FOXK2: variants seen among roughly 807,000 people sequenced by gnomAD.
FOXK2 encodes forkhead box K2, also known as forkhead box protein K2.
Under a neutral mutation model 53.3 loss-of-function variants are expected in FOXK2, and 24 were observed. The observed-to-expected ratio is 0.45, with a 90% confidence interval of 0.33 to 0.63. FOXK2 has a LOEUF of 0.63. FOXK2 is among the 30% of genes least tolerant of loss of function. The pLI is 0.03. For synonymous variants in FOXK2, 505 were observed against 407.1 expected (o/e 1.24, Z -2.89); for missense variants, 952 against 910.5 (o/e 1.05, Z -0.59).
intron 1 of FOXK2, among the ~76,000 whole-genome samples, chr17:82,527,728 A>G (rs2044432387): frequency 1.3e-5 from 2 of 152,216 alleles, no homozygotes; most frequent in Non-Finnish European, 2.9e-5. Context: ...TGTTACTTTA[A>G]GTTAAAAACC....
intron 4 of FOXK2, among the ~76,000 whole-genome samples, chr17:82,582,278 C>T (rs1456931880): frequency 6.6e-6 from 1 of 152,192 alleles, no homozygotes; most frequent in African/African-American, 2.4e-5. Context: ...GAAATGGCCT[C>T]TGTCTGCGCT....
At chr17:82,578,632 T>C (rs2045018987) in intron 4 of FOXK2, 1 of 152,216 alleles carries the variant, frequency 6.6e-6, no homozygotes, top group Non-Finnish European at 1.5e-5. Flanking sequence ...TCTGGAGTCT[T>C]GTTGGCTGGC....
rs148985006 is a variant in FOXK2, at chr17:82,550,275, A to C, written c.420-13079A>C. On this transcript the variant is annotated intron_variant, in intron 1 of 8. Transcript: ENST00000335255. ...CCTGCCATAGTGTTTTTAATTTGCC[A>C]CTTGACTTCAAGCTTTCCCAGGAAT... 5.1e-4 allele frequency among the ~76,000 whole-genome samples: 77 copies of C among 152,232 alleles called. 2 individuals are homozygous for C. The East Asian group carries it at 0.012, about 23-fold the overall frequency.
chr17:82,573,562 T>TCTCTCA (rs1185597025), intron 4 of FOXK2, among the ~76,000 whole-genome samples: 37 of 83,368 alleles, frequency 4.4e-4, no homozygotes, highest in Non-Finnish European at 5.9e-4. Context: ...TCTCTCTCTC[T>TCTCTCA]CACACACACA....
chr17:82,572,663 A>C (rs2143043026), intron 4 of FOXK2, among the ~76,000 whole-genome samples: 1 of 152,314 alleles, frequency 6.6e-6, no homozygotes, highest in East Asian at 1.9e-4. Flanking sequence ...GAAATATAGA[A>C]TATTAAAAAC....
chr17:82,529,406 T>TC (rs1173172645), intron 1 of FOXK2, among the ~76,000 whole-genome samples: 2 of 146,816 alleles, frequency 1.4e-5, no homozygotes, highest in Non-Finnish European at 3.0e-5. Context: ...TTTTTTTTTT[T>TC]CAAGATGGAG....
chr17:82,553,692 C>T (rs2044697407), intron 1 of FOXK2, among the ~76,000 whole-genome samples: 1 of 152,174 alleles, frequency 6.6e-6, no homozygotes, highest in South Asian at 2.1e-4. Flanking sequence ...GTGTGCTGAG[C>T]CCTTAAGACA....
chr17:82,558,220 G>C (rs1267725232), intron 1 of FOXK2, among the ~76,000 whole-genome samples: 1 of 152,148 alleles, frequency 6.6e-6, no homozygotes, highest in East Asian at 1.9e-4. Context: ...TGTGCCTGTA[G>C]TCCTAGCTGC....
chr17:82,527,912 C>A (rs184912367), intron 1 of FOXK2, among the ~76,000 whole-genome samples: 1 of 152,298 alleles, frequency 6.6e-6, no homozygotes, highest in African/African-American at 2.4e-5. Flanking sequence ...GCGATCTTCC[C>A]ACCTCAGTCT....
At chr17:82,595,737 A>G (rs2143168060) in intron 8 of FOXK2, 2 of 1,283,468 alleles carry the variant, frequency 1.6e-6, no homozygotes, top group Non-Finnish European at 2.0e-6. Context: ...CTAAAAGTGC[A>G]CCTGGCTCCT....
chr17:82,520,364 C>A, intron 1 of FOXK2, 57 bp downstream of exon 1: 1 of 1,209,944 alleles, frequency 8.3e-7, no homozygotes, highest in South Asian at 4.0e-5. Flanking sequence ...CCTGGCAGGA[C>A]GGGACGGGAC....
chr17:82,550,588 C>T (rs1272320770), intron 1 of FOXK2, among the ~76,000 whole-genome samples: 6 of 151,450 alleles, frequency 4.0e-5, no homozygotes, highest in East Asian at 3.9e-4. Context: ...CTACAAGCTC[C>T]GCCTCCCGGG....
At chr17:82,581,785 T>C (rs557330562) in intron 4 of FOXK2, among the ~76,000 whole-genome samples, 2 of 152,316 alleles carry the variant, frequency 1.3e-5, no homozygotes, top group East Asian at 1.9e-4. Context: ...AATTTTTGTA[T>C]GTTCAGTAGA....
At chr17:82,570,451 C>T (rs998379362) in intron 3 of FOXK2, among the ~76,000 whole-genome samples, 4 of 152,160 alleles carry the variant, frequency 2.6e-5, no homozygotes, top group African/African-American at 9.7e-5. Flanking sequence ...CGTGATCACA[C>T]CACTGCACTC....
At chr17:82,588,374 G>A in intron 8 of FOXK2, 1 of 160,156 alleles carries the variant, frequency 6.2e-6, no homozygotes, top group Non-Finnish European at 1.4e-5. Context: ...GCTGGGAGGA[G>A]ATGGAAGCCG....
At chr17:82,585,633 T>A (rs1410369987) in intron 6 of FOXK2, among the ~76,000 whole-genome samples, 1 of 152,196 alleles carries the variant, frequency 6.6e-6, no homozygotes, top group Non-Finnish European at 1.5e-5. Flanking sequence ...TGACATTTTC[T>A]TTTTTATAAA....
intron 1 of FOXK2, among the ~76,000 whole-genome samples, chr17:82,526,974 C>T (rs759533402): frequency 6.6e-6 from 1 of 152,078 alleles, no homozygotes; most frequent in Non-Finnish European, 1.5e-5. Context: ...CAGAGCGGGT[C>T]GGAACGGAGC....
At chr17:82,567,009 A>G (rs936595344) in intron 2 of FOXK2, among the ~76,000 whole-genome samples, 1 of 152,222 alleles carries the variant, frequency 6.6e-6, no homozygotes, top group African/African-American at 2.4e-5. Flanking sequence ...ATACTTGTTG[A>G]ATGGGTGAGT....
chr17:82,545,801 A>G (rs765058006), intron 1 of FOXK2, among the ~76,000 whole-genome samples: 1 of 151,670 alleles, frequency 6.6e-6, no homozygotes, highest in African/African-American at 2.4e-5. Flanking sequence ...AGGCTGGTCT[A>G]GAACTCCTGA....
Sources: gnomAD v4.1 joint callset for allele counts (sites outside exome capture counted in the v4.1 genomes callset) on GRCh38, gnomAD v4.1.1 for gene constraint, MANE v1.5 for transcripts, NCBI Gene and HGNC (gene_info 2026-07-23, HGNC 2026-07-21) for gene names.